SOX13: variants seen among roughly 807,000 people sequenced by gnomAD.
SOX13 encodes SRY-box transcription factor 13.
SOX13 carries 28 observed loss-of-function variants against 71.8 expected under a neutral mutation model. The observed-to-expected ratio is 0.39, with a 90% CI of 0.29 to 0.53. The LOEUF (loss-of-function observed/expected upper bound fraction) is 0.53, where lower values mean the gene tolerates loss of function less well. Among genes scored for constraint, SOX13 ranks in the 20% least tolerant of loss-of-function variants. The pLI, the probability that SOX13 is intolerant of heterozygous loss-of-function variation, is 0.70. For missense variants in SOX13, 627 were observed against 810.3 expected (o/e 0.77, Z 2.75); for synonymous variants, 309 against 317.8 (o/e 0.97, Z 0.29).
At chr1:204,114,165 T>C (rs971855468) in intron 2 of SOX13, among the ~76,000 whole-genome samples, 156 bp from the exon 3 acceptor site, 1 of 152,166 alleles carries the variant, frequency 6.6e-6, no homozygotes, top group African/African-American at 2.4e-5. Context: ...AAACAAAGCT[T>C]GGGCAGGTGG....
At chr1:204,100,652 G>A (rs868169222) in intron 1 of SOX13, among the ~76,000 whole-genome samples, 4 of 152,098 alleles carry the variant, frequency 2.6e-5, no homozygotes, top group Middle Eastern at 3.4e-3. Flanking sequence ...CTTGGCTGAC[G>A]ATAGGGTAGA....
At chr1:204,075,740 G>C (rs1224256764) in intron 1 of SOX13, among the ~76,000 whole-genome samples, 1 of 152,182 alleles carries the variant, frequency 6.6e-6, no homozygotes, top group Non-Finnish European at 1.5e-5. Flanking sequence ...CTGTGCCTCA[G>C]TTTCCTCAGC....
chr1:204,086,484 C>T (rs1219537117), intron 1 of SOX13, among the ~76,000 whole-genome samples: 1 of 114,432 alleles, frequency 8.7e-6, no homozygotes, highest in African/African-American at 3.4e-5. Context: ...TTCTATTTTT[C>T]ATAGAGAAGG....
At position 204,114,544 on chromosome 1, in the gene SOX13, G is replaced by A; in HGVS notation, c.357G>A (p.Leu119=). 6.2e-7 allele frequency: 1 copy of A among 1,613,918 alleles called. No individual in the cohort carries two copies. Among genetic ancestry groups the A allele is most frequent in the Non-Finnish European group, 8.5e-7 (1 of 1,179,808 alleles). Residue 119 remains leucine, a synonymous_variant, in exon 4 of 14, where the codon TTG becomes TTA. Coordinates refer to ENST00000367204, the MANE Select transcript of SOX13 (RefSeq NM_005686.3). ...TGGTGCCAGCCATAGAGAAGCTGTTGTCCAGTGACTGGAAGGAGAGGTTTC... is the reference window on the plus strand; with the variant it reads ...TGGTGCCAGCCATAGAGAAGCTGTTATCCAGTGACTGGAAGGAGAGGTTTC... ...KEVVPAIEKL[L]SSDWKERFLG... is the part of the protein sequence containing the mutation.
chr1:204,121,231 C>T lies in SOX13; in HGVS notation c.776-669C>T, dbSNP rs573358449. Reference sequence around the variant, plus strand: ...CTCGAACTCCTGACCTTGTGATCCACCCACCTTGTCCTCCCAAAGTGCTGG... The same window carrying T: ...CTCGAACTCCTGACCTTGTGATCCATCCACCTTGTCCTCCCAAAGTGCTGG... On this transcript the variant is annotated intron_variant, in intron 7 of 13. Transcript: ENST00000367204. Among the ~76,000 whole-genome samples, 65 of 152,274 alleles carry T rather than the reference C, an allele frequency of 4.3e-4. No individual in the cohort carries two copies. In the Middle Eastern group the frequency reaches 0.01, roughly 24 times the overall value.
At chr1:204,077,091 G>C (rs1425636725) in intron 1 of SOX13, among the ~76,000 whole-genome samples, 38 of 152,224 alleles carry the variant, frequency 2.5e-4, no homozygotes, top group Admixed American at 2.5e-3. Context: ...TGGGGGAGAG[G>C]ATAGCTCAGC....
chr1:204,116,033 T>C lies in SOX13; in HGVS notation c.419-474T>C, dbSNP rs548366043. 4 of 505,980 alleles carry C rather than the reference T, an allele frequency of 7.9e-6. No individual in the cohort carries two copies. The African/African-American group carries it at 8.1e-5, about 10-fold the overall frequency. 31.3% of individuals were successfully genotyped at this position (505,980 alleles called of 1,614,324 possible). ...TTATTATTATGCCCACTTACCAAGA[T>C]TTTGAAAACCCTAAAGTGCAGAGAA... On this transcript the variant is annotated intron_variant, in intron 4 of 13. Transcript: ENST00000367204.
Position 204,117,268 on chromosome 1 carries a change from G to A in SOX13, c.660+78G>A, listed in dbSNP as rs1221451317. 7.8e-6 allele frequency: 10 copies of A among 1,283,726 alleles called. No homozygotes were observed. The African/African-American group carries it at 1.3e-4, about 17-fold the overall frequency. 79.5% of individuals were successfully genotyped at this position (1,283,726 alleles called of 1,614,324 possible). On this transcript the variant is annotated intron_variant, in intron 6 of 13. Coordinates refer to ENST00000367204, the MANE Select transcript of SOX13 (RefSeq NM_005686.3). ...ACCGGCCTGGAGGGTGCTGGGGACAGGGGATGTGCACCAAGTTAAAGAGCC... is the reference window on the plus strand; with the variant it reads ...ACCGGCCTGGAGGGTGCTGGGGACAAGGGATGTGCACCAAGTTAAAGAGCC...
At position 204,117,107 on chromosome 1, in the gene SOX13, C is replaced by T; in HGVS notation, c.592-15C>T. The T allele has an allele frequency of 1.2e-6, 2 of 1,613,704 alleles. No homozygotes were observed. Among genetic ancestry groups the T allele is most frequent in the Non-Finnish European group, 1.7e-6 (2 of 1,179,714 alleles). On this transcript the variant is annotated splice_polypyrimidine_tract_variant and intron_variant, in intron 5 of 13. Coordinates refer to ENST00000367204, the MANE Select transcript of SOX13 (RefSeq NM_005686.3). ...ATGTCCGTGACCCCCTCTGCCTACT[C>T]TTTCCCTCTCCCAGATTGCAAAGCA...
At position 204,126,461 on chromosome 1, in the gene SOX13, A is replaced by G. The variant is rs1435309780; in HGVS notation, c.*327A>G. 1 of 342,210 alleles carries G rather than the reference A, an allele frequency of 2.9e-6. No homozygotes were observed. The highest frequency in any genetic ancestry group is 5.4e-6 in the Non-Finnish European group (1 of 183,774). The allele number at this position is 342,210 out of a possible 1,614,324, so 21.2% of individuals were successfully genotyped here. A position where few individuals can be genotyped will look rare whatever the true frequency, so the allele number is the denominator to read the frequency against. On this transcript the variant is annotated 3_prime_UTR_variant, in exon 14 of 14. Transcript: ENST00000367204. ...TCCACCTGGGGTATGGCATCTACCG[A>G]CCTGTCTCCCTGGGGTCACATGCTT...
chr1:204,074,168 G>A (rs1655735445), intron 1 of SOX13: 1 of 152,264 alleles, frequency 6.6e-6, no homozygotes, highest in Admixed American at 6.5e-5. Flanking sequence ...TCCTGCGTGG[G>A]GCTCAGGTGC....
chr1:204,094,114 T>C (rs1348039279), intron 1 of SOX13, among the ~76,000 whole-genome samples: 2 of 152,164 alleles, frequency 1.3e-5, no homozygotes, highest in African/African-American at 4.8e-5. Context: ...TTATAAACCA[T>C]CAAGTGTGTA....
chr1:204,078,179 A>G (rs1216265467), intron 1 of SOX13: 8 of 152,282 alleles, frequency 5.3e-5, no homozygotes, highest in African/African-American at 1.9e-4. Flanking sequence ...GCAGTGCTCC[A>G]TGAATGGTAA....
chr1:204,088,918 G>T (rs1353185040), intron 1 of SOX13, among the ~76,000 whole-genome samples: 1 of 152,156 alleles, frequency 6.6e-6, no homozygotes, highest in African/African-American at 2.4e-5. Context: ...AGCTCATGAA[G>T]GGAGATGCTG....
intron 1 of SOX13, among the ~76,000 whole-genome samples, chr1:204,083,181 G>C (rs1166457340): frequency 1.7e-4 from 26 of 152,138 alleles, no homozygotes; most frequent in Non-Finnish European, 4.4e-5. Flanking sequence ...TTGTGTGTGA[G>C]TGTTGGTGTG....
intron 1 of SOX13, among the ~76,000 whole-genome samples, chr1:204,084,332 G>A (rs1655973571): frequency 6.6e-6 from 1 of 152,168 alleles, no homozygotes; most frequent in Non-Finnish European, 1.5e-5. Flanking sequence ...GCAGCTGTGG[G>A]GGGTGCAGGA....
Position 204,123,330 on chromosome 1 carries a change from G to A in SOX13, c.1231+122G>A. On this transcript the variant is annotated intron_variant, in intron 11 of 13. Transcript: ENST00000367204. The surrounding 1 kb of genome is among the most constrained non-coding windows in gnomAD (Gnocchi z 5.0). ...GGTCTGTTGGGTCCTTTCCAGGTGTGTGTGCCTCTGCTGTCCCATTATGTG... is the reference window on the plus strand; with the variant it reads ...GGTCTGTTGGGTCCTTTCCAGGTGTATGTGCCTCTGCTGTCCCATTATGTG... The A allele has an allele frequency of 2.5e-6, 2 of 796,632 alleles. No individual in the cohort carries two copies. Among genetic ancestry groups the A allele is most frequent in the Non-Finnish European group, 2.2e-6 (1 of 461,080 alleles). 49.3% of individuals were successfully genotyped at this position (796,632 alleles called of 1,614,324 possible). A position where few individuals can be genotyped will look rare whatever the true frequency, so the allele number is the denominator to read the frequency against.
chr1:204,123,875 C>A lies in SOX13; in HGVS notation c.1375+71C>A. On this transcript the variant is annotated intron_variant, in intron 12 of 13. Transcript: ENST00000367204. This position sits in a 1 kb window ranked among gnomAD's most constrained non-coding sequence, Gnocchi z 5.0. ...AGGAGCCAGCTGGGTCTATTCAGGG[C>A]TTGCTTGGTGATATTCCATACTGTG... is the stretch of plus-strand genomic sequence containing the variant. The A allele has an allele frequency of 6.5e-7, 1 of 1,547,520 alleles. No homozygotes were observed. The highest frequency in any genetic ancestry group is 1.7e-5 in the Admixed American group (1 of 58,064).
At position 204,123,260 on chromosome 1, in the gene SOX13, C is replaced by A; in HGVS notation, c.1231+52C>A. ...CGCAGGAGGGCCCAACTCTGTATTCCACCAGGGCCAGGGCTGTGTCTGCCT... is the reference window on the plus strand; with the variant it reads ...CGCAGGAGGGCCCAACTCTGTATTCAACCAGGGCCAGGGCTGTGTCTGCCT... On this transcript the variant is annotated intron_variant, in intron 11 of 13. Transcript: ENST00000367204. This position sits in a 1 kb window ranked among gnomAD's most constrained non-coding sequence, Gnocchi z 5.0. The A allele has an allele frequency of 7.0e-7, 1 of 1,424,488 alleles. No homozygotes were observed. The highest frequency in any genetic ancestry group is 9.9e-7 in the Non-Finnish European group (1 of 1,007,968). 88.2% of individuals were successfully genotyped at this position (1,424,488 alleles called of 1,614,324 possible).
Sources: gnomAD v4.1 joint callset for allele counts (sites outside exome capture counted in the v4.1 genomes callset) on GRCh38, gnomAD v4.1.1 for gene constraint, Gnocchi (gnomAD v3.1) non-coding constraint, MANE v1.5 for transcripts, NCBI Gene and HGNC (gene_info 2026-07-23, HGNC 2026-07-21) for gene names.